The following MTCL2 variants were observed in gnomAD, a reference collection of about 807,000 sequenced individuals.
MTCL2 encodes the protein microtubule crosslinking factor 2, also known as microtubule cross-linking factor 2.
chr20:36,821,213 T>C, the MTCL2 span, among the ~76,000 whole-genome samples: 1 of 152,348 alleles, frequency 6.6e-6, no homozygotes, highest in East Asian at 1.9e-4. Context: ...TTTATATTAC[T>C]TTTTTAGATT....
At chr20:36,788,775 CCT>C in the MTCL2 span, among the ~76,000 whole-genome samples, 122 of 152,028 alleles carry the variant, frequency 8.0e-4, no homozygotes, top group African/African-American at 2.6e-3. Flanking sequence ...GATTTCCTCC[CCT>C]CTCTCTTTTT....
chr20:36,794,655 A>G, the MTCL2 span: 2 of 1,609,508 alleles, frequency 1.2e-6, no homozygotes, highest in Non-Finnish European at 1.7e-6. The surrounding 1 kb of genome is among the most constrained non-coding windows in gnomAD (Gnocchi z 5.4). Context: ...CTGAGGGCAC[A>G]CTCTGGTCTA....
At chr20:36,840,168 T>G in the MTCL2 span, among the ~76,000 whole-genome samples, 1 of 145,006 alleles carries the variant, frequency 6.9e-6, no homozygotes, top group Non-Finnish European at 1.5e-5. Flanking sequence ...AGCCTGGTGT[T>G]TTTTTTTTTT....
chr20:36,792,281 G>A, the MTCL2 span, among the ~76,000 whole-genome samples: 5 of 152,194 alleles, frequency 3.3e-5, no homozygotes, highest in African/African-American at 1.2e-4. Flanking sequence ...GCCAAGGTGG[G>A]CGGATCACTT....
chr20:36,804,686 G>A, the MTCL2 span: 1 of 1,598,724 alleles, frequency 6.3e-7, no homozygotes, highest in Non-Finnish European at 8.6e-7. Context: ...GACAGCTAAA[G>A]GCTTGGCTGA....
chr20:36,844,399 A>T, the MTCL2 span, among the ~76,000 whole-genome samples: 1 of 149,254 alleles, frequency 6.7e-6, no homozygotes. Flanking sequence ...CTACAAAAAA[A>T]AAATAATAAT....
the MTCL2 span, among the ~76,000 whole-genome samples, chr20:36,842,546 C>G: frequency 6.6e-6 from 1 of 152,162 alleles, no homozygotes; most frequent in Admixed American, 6.5e-5. Context: ...CCAAGGCGGT[C>G]AGATCGCCTG....
chr20:36,855,678 C>T, the MTCL2 span, among the ~76,000 whole-genome samples: 1 of 152,190 alleles, frequency 6.6e-6, no homozygotes, highest in Non-Finnish European at 1.5e-5. Context: ...ATGCAAGACA[C>T]GGGGCCTCCT....
At chr20:36,856,922 C>T in the MTCL2 span, among the ~76,000 whole-genome samples, 1 of 152,294 alleles carries the variant, frequency 6.6e-6, no homozygotes, top group Admixed American at 6.5e-5. Context: ...CTCCTGTGGG[C>T]AAATGCTACA....
the MTCL2 span, among the ~76,000 whole-genome samples, chr20:36,836,897 C>T: frequency 6.6e-6 from 1 of 152,316 alleles, no homozygotes; most frequent in East Asian, 1.9e-4. Context: ...AACAGGCACT[C>T]CTGTTTACCT....
chr20:36,837,733 C>T, the MTCL2 span, among the ~76,000 whole-genome samples: 1 of 151,888 alleles, frequency 6.6e-6, no homozygotes, highest in African/African-American at 2.4e-5. Flanking sequence ...GGAACCACCA[C>T]ACTCGGCTAA....
the MTCL2 span, among the ~76,000 whole-genome samples, chr20:36,800,069 G>T: frequency 6.6e-6 from 1 of 152,230 alleles, no homozygotes; most frequent in African/African-American, 2.4e-5. Context: ...GTGTAAAGAA[G>T]AATGCTGCTT....
the MTCL2 span, among the ~76,000 whole-genome samples, chr20:36,841,874 G>GGGGGTGTGTGTGTGTGT: frequency 1.8e-5 from 2 of 110,766 alleles, no homozygotes; most frequent in African/African-American, 6.5e-5. Flanking sequence ...TGGGGGGTGG[G>GGGGGTGTGTGTGTGTGT]GTGTGTGTGT....
At chr20:36,812,622 G>A in the MTCL2 span, 3 of 1,541,458 alleles carry the variant, frequency 1.9e-6, no homozygotes, top group Non-Finnish European at 2.6e-6. Context: ...CCAGCTAAGT[G>A]ATATATGGAC....
the MTCL2 span, chr20:36,797,593 GT>G: frequency 7.1e-6 from 11 of 1,553,648 alleles, no homozygotes; most frequent in Non-Finnish European, 8.7e-6. Flanking sequence ...GGCAGAGAGG[GT>G]GGGTCGGTAA....
the MTCL2 span, among the ~76,000 whole-genome samples, chr20:36,800,039 C>G: frequency 6.6e-6 from 1 of 152,206 alleles, no homozygotes; most frequent in Non-Finnish European, 1.5e-5. Context: ...TTTCACCAGT[C>G]TGGCTTAATC....
At chr20:36,817,518 C>A in the MTCL2 span, 2 of 1,496,244 alleles carry the variant, frequency 1.3e-6, no homozygotes, top group Non-Finnish European at 1.8e-6. Context: ...GGACTGAAAG[C>A]TCACAGAATG....
the MTCL2 span, among the ~76,000 whole-genome samples, chr20:36,859,068 G>A: frequency 6.6e-6 from 1 of 152,234 alleles, no homozygotes; most frequent in African/African-American, 2.4e-5. Context: ...TGGGATTACA[G>A]GCGTGAGTCA....
the MTCL2 span, among the ~76,000 whole-genome samples, chr20:36,792,154 A>T: frequency 6.6e-6 from 1 of 152,110 alleles, no homozygotes; most frequent in Non-Finnish European, 1.5e-5. Context: ...AGTGTTTACC[A>T]ATTTTTATGC....
Sources: allele counts gnomAD v4.1 joint callset (sites outside exome capture counted in the v4.1 genomes callset), GRCh38; gene constraint gnomAD v4.1.1; non-coding constraint Gnocchi (gnomAD v3.1); transcripts MANE v1.5; gene names NCBI Gene and HGNC (gene_info 2026-07-23, HGNC 2026-07-21).